The following TTC6 variants were observed in gnomAD, a reference collection of about 807,000 sequenced individuals.
TTC6 encodes tetratricopeptide repeat domain 6, also known as tetratricopeptide repeat protein 6.
Under a neutral mutation model 210.4 loss-of-function variants are expected in TTC6, and 172 were observed. That is an observed-to-expected ratio of 0.82 (90% CI 0.72 to 0.93). The LOEUF (loss-of-function observed/expected upper bound fraction) is 0.93, where lower values mean the gene tolerates loss of function less well. Among genes scored for constraint, TTC6 ranks in the 40% least tolerant of loss-of-function variants. The pLI is 0.00. For synonymous variants in TTC6, 804 were observed against 819.6 expected, an observed-to-expected ratio of 0.98 and a Z score of 0.32; for missense variants, 2,414 against 2,318.1, an observed-to-expected ratio of 1.04 and a Z score of -0.85.
intron 7 of TTC6, 34 bp downstream of exon 9, chr14:37,725,036 T>G (rs1318867116): frequency 8.5e-7 from 1 of 1,171,926 alleles, no homozygotes; most frequent in Non-Finnish European, 1.2e-6. Flanking sequence ...CTATTATTGT[T>G]GTTGTTATTA....
At chr14:37,668,085 A>G (rs1047239044) in intron 1 of TTC6, among the ~76,000 whole-genome samples, 6 of 149,884 alleles carry the variant, frequency 4.0e-5, no homozygotes, top group Non-Finnish European at 9.0e-5. Flanking sequence ...CAGTGAGCTG[A>G]GATCATGCCA....
intron 2 of TTC6, 71 bp from the exon 5 acceptor site, chr14:37,682,687 G>A: frequency 7.9e-7 from 1 of 1,268,636 alleles, no homozygotes; most frequent in Non-Finnish European, 1.1e-6. Context: ...GATAGAAACT[G>A]TTGCATCACT....
chr14:37,839,186 G>T (rs1208340310), intron 29 of TTC6, among the ~76,000 whole-genome samples: 1 of 152,124 alleles, frequency 6.6e-6, no homozygotes, highest in Non-Finnish European at 1.5e-5. Flanking sequence ...TGGGTCAAAT[G>T]GTATTTCTGG....
intron 1 of TTC6, among the ~76,000 whole-genome samples, chr14:37,597,286 G>C (rs1485616787): frequency 2.0e-5 from 3 of 152,086 alleles, no homozygotes; most frequent in African/African-American, 7.2e-5. Flanking sequence ...TGATCCGGGG[G>C]ACTTTCAGTG....
At chr14:37,686,555 A>G (rs966760861) in intron 3 of TTC6, among the ~76,000 whole-genome samples, 6 of 152,220 alleles carry the variant, frequency 3.9e-5, no homozygotes, top group Non-Finnish European at 5.9e-5. Context: ...TGCTGCTGAT[A>G]AAGACATATC....
intron 20 of TTC6, chr14:37,802,110 G>A (rs1309032084): frequency 1.3e-5 from 2 of 152,100 alleles, no homozygotes; most frequent in African/African-American, 4.8e-5. Flanking sequence ...GGATGGAGCT[G>A]GAAGCCATTA....
chr14:37,732,812 G>T lies in TTC6; in HGVS notation c.1819-3109G>T, dbSNP rs934647847. On this transcript the variant is annotated intron_variant, in intron 7 of 30. Transcript: ENST00000553443. ...TTTTTGTACTTTTAGTAGAGACGGG[G>T]TTTCACCATGGCTTCAATCTCCTGA... Among the ~76,000 whole-genome samples the T allele has an allele frequency of 6.3e-4, 95 of 150,400 alleles. 2 individuals carry two copies. The highest frequency in any genetic ancestry group is 2.1e-3 in the African/African-American group (88 of 40,944).
At position 37,827,203 on chromosome 14, in the gene TTC6, C is replaced by A. The variant is rs751040109; in HGVS notation, c.5135C>A (p.Thr1712Asn). The A allele has an allele frequency of 6.2e-6, 10 of 1,611,830 alleles. No individual in the cohort carries two copies. The African/African-American group carries it at 1.2e-4, about 19-fold the overall frequency. Residue 1712 changes from threonine (T) to asparagine (N), a missense_variant, in exon 29 of 31, where the codon ACT becomes AAT. Transcript: ENST00000553443. The stretch of plus-strand genomic sequence containing the variant: ...CATAATATTATACTGCAGATCAGTA[C>A]TACAGCAGAATTCTTAACAAATCGT...
At chr14:37,786,575 G>A (rs964605522) in intron 14 of TTC6, among the ~76,000 whole-genome samples, 10 of 152,306 alleles carry the variant, frequency 6.6e-5, no homozygotes, top group Admixed American at 1.3e-4. Context: ...TGCACTTCCC[G>A]GGTGAGGCGG....
chr14:37,631,125 TG>T (rs2095669213), intron 1 of TTC6, among the ~76,000 whole-genome samples: 1 of 151,928 alleles, frequency 6.6e-6, no homozygotes, highest in South Asian at 2.1e-4. Flanking sequence ...AGGTTAATAT[TG>T]TTATGTGTGA....
At chr14:37,787,331 C>A in intron 14 of TTC6, 137 bp from the exon 17 acceptor site, 1 of 621,472 alleles carries the variant, frequency 1.6e-6, no homozygotes. Flanking sequence ...CTGTTAACAT[C>A]ATGACTAAAC....
At chr14:37,701,411 C>A in exon 5 of TTC6, 2 of 1,532,802 alleles carry the variant, frequency 1.3e-6, no homozygotes, top group Non-Finnish European at 1.7e-6. Flanking sequence ...TGTTGACTTG[C>A]GCCTGGCTTC....
chr14:37,816,889 G>C (rs1407387432), intron 25 of TTC6, among the ~76,000 whole-genome samples: 1 of 152,066 alleles, frequency 6.6e-6, no homozygotes, highest in Admixed American at 6.5e-5. Context: ...AAGAGCTCTG[G>C]GCTACGGTGG....
intron 1 of TTC6, among the ~76,000 whole-genome samples, chr14:37,672,821 A>ATTTTTTTTTTTTTTTTTTTT (rs377117749): frequency 9.4e-4 from 121 of 128,960 alleles, no homozygotes; most frequent in African/African-American, 2.8e-3. Flanking sequence ...TGAATTCCTC[A>ATTTTTTTTTTTTTTTTTTTT]TTTTTTTTTT....
chr14:37,668,148 T>C (rs177897), intron 1 of TTC6, among the ~76,000 whole-genome samples: 4 of 149,738 alleles, frequency 2.7e-5, no homozygotes, highest in African/African-American at 7.3e-5. Flanking sequence ...AAAAAAAAAT[T>C]TGGCTGGATA....
intron 1 of TTC6, among the ~76,000 whole-genome samples, chr14:37,672,753 A>G (rs1223184559): frequency 6.7e-6 from 1 of 149,964 alleles, no homozygotes. Flanking sequence ...TTCTGGAAAC[A>G]TTTTTTTCTG....
At chr14:37,754,323 T>A (rs1457065043) in intron 14 of TTC6, among the ~76,000 whole-genome samples, 1 of 152,146 alleles carries the variant, frequency 6.6e-6, no homozygotes, top group East Asian at 1.9e-4. Context: ...CACTTATAAG[T>A]GAGAACATCC....
At chr14:37,638,610 G>A (rs2095685521) in intron 1 of TTC6, among the ~76,000 whole-genome samples, 1 of 147,880 alleles carries the variant, frequency 6.8e-6, no homozygotes, top group South Asian at 2.2e-4. Context: ...GTTTGTGGTT[G>A]CTGGGAGTTA....
intron 1 of TTC6, among the ~76,000 whole-genome samples, chr14:37,602,231 A>G (rs1340765328): frequency 6.6e-6 from 1 of 152,246 alleles, no homozygotes; most frequent in African/African-American, 2.4e-5. Flanking sequence ...ACTTGAAACT[A>G]CCAGGCGTTG....
Sources: gnomAD v4.1 joint callset for allele counts (sites outside exome capture counted in the v4.1 genomes callset) on GRCh38, gnomAD v4.1.1 for gene constraint, MANE v1.5 for transcripts, NCBI Gene and HGNC (gene_info 2026-07-23, HGNC 2026-07-21) for gene names.